Variants in SPRED2 observed in about 807,000 individuals in gnomAD.
SPRED2 encodes sprouty-related, EVH1 domain-containing protein 2.
SPRED2 carries 47 observed loss-of-function variants against 43.0 expected under a neutral mutation model. The observed-to-expected ratio is 1.09, with a 90% CI of 0.87 to 1.40. The LOEUF (loss-of-function observed/expected upper bound fraction) is 1.40. SPRED2 is among the 40% of genes most tolerant of loss of function. The pLI is 0.00. For missense variants in SPRED2, 561 were observed against 586.4 expected (o/e 0.96, Z 0.45); for synonymous variants, 225 against 225.7 (o/e 1.00, Z 0.03).
intron 1 of SPRED2, among the ~76,000 whole-genome samples, chr2:65,359,370 A>G (rs74673731): frequency 0.011 from 1,697 of 152,318 alleles, 19 homozygotes; most frequent in Non-Finnish European, 0.018. Context: ...TAGTCTTAAA[A>G]TATTTTTTCA....
chr2:65,334,401 C>T (rs1673901756), intron 3 of SPRED2: 2 of 640,386 alleles, frequency 3.1e-6, no homozygotes, highest in Admixed American at 2.4e-5. Flanking sequence ...TGGGATTACT[C>T]CTTACTCTGA....
At chr2:65,403,991 G>C (rs1479442593) in intron 1 of SPRED2, among the ~76,000 whole-genome samples, 1 of 152,126 alleles carries the variant, frequency 6.6e-6, no homozygotes, top group Admixed American at 6.5e-5. Flanking sequence ...GATCACCTTA[G>C]GTCAGGAGTT....
At chr2:65,331,908 G>T in intron 4 of SPRED2, 79 bp downstream of exon 4, 1 of 1,071,710 alleles carries the variant, frequency 9.3e-7, no homozygotes, top group Non-Finnish European at 1.4e-6. Context: ...ATTGCAAAGT[G>T]TGCCTCATGC....
chr2:65,426,704 C>A (rs746565452), intron 1 of SPRED2, among the ~76,000 whole-genome samples: 19 of 152,098 alleles, frequency 1.2e-4, no homozygotes, highest in Non-Finnish European at 2.4e-4. Context: ...GGGGCATGAG[C>A]AGAATGTCAC....
intron 2 of SPRED2, among the ~76,000 whole-genome samples, chr2:65,337,552 C>G (rs62139093): frequency 0.11 from 16,919 of 152,248 alleles, 1,382 homozygotes; most frequent in Non-Finnish European, 0.16. Context: ...AGAGCGGGCA[C>G]AATCCCAGTT....
intron 1 of SPRED2, among the ~76,000 whole-genome samples, chr2:65,346,382 C>A (rs1238544125): frequency 6.6e-6 from 1 of 152,042 alleles, no homozygotes; most frequent in Non-Finnish European, 1.5e-5. Flanking sequence ...CCGCTTTAAC[C>A]ATTTTTAAGT....
chr2:65,414,495 C>G (rs1676228588), intron 1 of SPRED2, among the ~76,000 whole-genome samples: 1 of 151,920 alleles, frequency 6.6e-6, no homozygotes. Flanking sequence ...GCCCAAGGGC[C>G]TATCAGTTGT....
At chr2:65,309,272 T>C (rs982256029), downstream of SPRED2, among the ~76,000 whole-genome samples, 1 of 151,338 alleles carries the variant, frequency 6.6e-6, no homozygotes, top group East Asian at 1.9e-4. Context: ...GAGGCTGAGG[T>C]GGGAGGATCT....
intron 1 of SPRED2, among the ~76,000 whole-genome samples, chr2:65,381,655 G>A (rs1675376885): frequency 6.6e-6 from 1 of 152,244 alleles, no homozygotes; most frequent in Non-Finnish European, 1.5e-5. Flanking sequence ...TGGGCAAAAT[G>A]TGGCAAAAGC....
intron 1 of SPRED2, among the ~76,000 whole-genome samples, chr2:65,397,920 T>C (rs1007671680): frequency 5.3e-5 from 8 of 152,152 alleles, no homozygotes; most frequent in African/African-American, 1.9e-4. Context: ...AAAAAGAGCC[T>C]GCATAGCCTA....
intron 1 of SPRED2, among the ~76,000 whole-genome samples, chr2:65,355,445 G>A (rs980987727): frequency 6.6e-6 from 1 of 152,136 alleles, no homozygotes; most frequent in Non-Finnish European, 1.5e-5. Context: ...GGCCAAGTGT[G>A]GTTGCTCATG....
chr2:65,316,909 T>G (rs750021519), intron 4 of SPRED2, 26 bp from the exon 5 acceptor site: 2 of 1,591,462 alleles, frequency 1.3e-6, no homozygotes, highest in East Asian at 2.3e-5. Flanking sequence ...TAACCAAGAG[T>G]CAATTTAAAA....
chr2:65,366,440 G>T, intron 1 of SPRED2: 1 of 733,240 alleles, frequency 1.4e-6, no homozygotes, highest in Non-Finnish European at 2.2e-6. Flanking sequence ...TTGCACGTGG[G>T]CACACACAAA....
At chr2:65,322,499 T>C (rs1673462258) in intron 4 of SPRED2, among the ~76,000 whole-genome samples, 1 of 151,880 alleles carries the variant, frequency 6.6e-6, no homozygotes, top group South Asian at 2.1e-4. Context: ...TTCACCTTGT[T>C]AGCCAGGATG....
intron 2 of SPRED2, among the ~76,000 whole-genome samples, chr2:65,339,535 G>C (rs544037436): frequency 0.018 from 2,695 of 150,478 alleles, 89 homozygotes; most frequent in African/African-American, 0.063. Flanking sequence ...CAGCATGCTC[G>C]TTAAGAGTCA....
chr2:65,386,448 C>G (rs943478299), intron 1 of SPRED2, among the ~76,000 whole-genome samples: 4 of 152,154 alleles, frequency 2.6e-5, no homozygotes, highest in African/African-American at 9.6e-5. Context: ...CAGGTCACGT[C>G]CTCTCTATCG....
At chr2:65,342,188 A>ATATACATATATTATGTATGTATATTTTG (rs1674206300) in intron 2 of SPRED2, among the ~76,000 whole-genome samples, 11 of 147,746 alleles carry the variant, frequency 7.4e-5, no homozygotes, top group African/African-American at 2.5e-4. Context: ...TGTATATTTT[A>ATATACATATATTATGTATGTATATTTTG]TATACGTATA....
chr2:65,366,066 A>T (rs1674962494), intron 1 of SPRED2, among the ~76,000 whole-genome samples: 1 of 151,226 alleles, frequency 6.6e-6, no homozygotes, highest in African/African-American at 2.4e-5. Flanking sequence ...AACCCACCCT[A>T]TTCACTCCGT....
At chr2:65,401,802 A>T (rs938793364) in intron 1 of SPRED2, among the ~76,000 whole-genome samples, 3 of 151,920 alleles carry the variant, frequency 2.0e-5, no homozygotes, top group East Asian at 3.9e-4. Flanking sequence ...TCTGTCTCAA[A>T]AAATAAATAA....
Sources: allele counts gnomAD v4.1 joint callset (sites outside exome capture counted in the v4.1 genomes callset), GRCh38; gene constraint gnomAD v4.1.1; transcripts MANE v1.5; gene names NCBI Gene and HGNC (gene_info 2026-07-23, HGNC 2026-07-21).